Variants in WDSUB1 observed in about 807,000 individuals in gnomAD.
The protein encoded by WDSUB1 is WD repeat, sterile alpha motif and U-box domain containing 1, also known as WD repeat, SAM and U-box domain-containing protein 1.
A neutral mutation model predicts 53.9 loss-of-function variants in WDSUB1; 49 were observed. The ratio of observed to expected loss-of-function variants is 0.91; its 90% CI spans 0.72 to 1.15. The LOEUF is 1.15. Ranked by LOEUF, WDSUB1 falls within the 50% of genes most tolerant of loss-of-function variation. The pLI, the probability that WDSUB1 is intolerant of heterozygous loss-of-function variation, is 0.00. For synonymous variants in WDSUB1, 194 were observed against 200.6 expected (o/e 0.97, Z 0.28); for missense variants, 514 against 562.0 (o/e 0.91, Z 0.86).
At chr2:159,252,376 C>G (rs548035534) in intron 9 of WDSUB1, among the ~76,000 whole-genome samples, 1 of 152,178 alleles carries the variant, frequency 6.6e-6, no homozygotes, top group East Asian at 1.9e-4. Context: ...TTCATGAACC[C>G]TACAATATAC....
intron 4 of WDSUB1, among the ~76,000 whole-genome samples, chr2:159,272,133 G>A (rs540617227): frequency 6.6e-6 from 1 of 152,204 alleles, no homozygotes; most frequent in Non-Finnish European, 1.5e-5. Flanking sequence ...AGCCCGCTGC[G>A]TACATACAGG....
chr2:159,259,036 A>AATTTTTTTTTTTTTT (rs1436442238), intron 6 of WDSUB1, among the ~76,000 whole-genome samples: 2 of 150,714 alleles, frequency 1.3e-5, no homozygotes, highest in East Asian at 4.0e-4. Context: ...CAACTACTTT[A>AATTTTTTTTTTTTTT]TTTTTGAGAC....
chr2:159,241,719 C>CT lies in WDSUB1; in HGVS notation c.1274-5530dup, dbSNP rs527377114. ...CATGACTGGGGATGTTTTCTTTTTT[C>CT]TTTTTTTTTTTGAGATGGAGTCTCA... On this transcript the variant is annotated intron_variant, in intron 10 of 10. Coordinates refer to ENST00000359774, the MANE Select transcript of WDSUB1 (RefSeq NM_001128212.3). Among the ~76,000 whole-genome samples, 210 of 130,350 alleles carry CT rather than the reference C, an allele frequency of 1.6e-3. 8 individuals are homozygous for CT. Among genetic ancestry groups the CT allele is most frequent in the South Asian group, 0.013 (55 of 4,262 alleles). The allele number at this position is 130,350 out of a possible 152,430, so 85.5% of individuals were successfully genotyped here.
chr2:159,253,493 T>C (rs1451404527), intron 9 of WDSUB1, among the ~76,000 whole-genome samples: 1 of 152,222 alleles, frequency 6.6e-6, no homozygotes, highest in Non-Finnish European at 1.5e-5. Flanking sequence ...AAAGATTTGA[T>C]AAACTGCTCA....
chr2:159,249,495 A>ACTTT (rs1420343458), intron 9 of WDSUB1, among the ~76,000 whole-genome samples: 1 of 152,122 alleles, frequency 6.6e-6, no homozygotes, highest in Non-Finnish European at 1.5e-5. Context: ...AGCCAAACCA[A>ACTTT]CTTTCTTTCT....
Position 159,266,512 on chromosome 2 carries a change from G to A in WDSUB1, c.770+5190C>T, listed in dbSNP as rs6704582. 4.0e-3 allele frequency among the ~76,000 whole-genome samples: 609 copies of A among 152,006 alleles called. 5 individuals are homozygous for A. The highest frequency in any genetic ancestry group is 0.014 in the African/African-American group (585 of 41,464). On this transcript the variant is annotated intron_variant, in intron 5 of 10. Transcript: ENST00000359774. Reference sequence around the variant, plus strand: ...CAAGGAATCTTACTTTTAAGAATGTGAAGGAATCTTAAGACCAAAAAGTAT... The same window carrying A: ...CAAGGAATCTTACTTTTAAGAATGTAAAGGAATCTTAAGACCAAAAAGTAT...
At chr2:159,267,343 C>T (rs934480215) in intron 5 of WDSUB1, among the ~76,000 whole-genome samples, 6 of 150,738 alleles carry the variant, frequency 4.0e-5, no homozygotes, top group African/African-American at 1.5e-4. Context: ...CTTTGTTGCC[C>T]AGGCTGGAGT....
chr2:159,280,872 A>C (rs1287610873), intron 2 of WDSUB1, among the ~76,000 whole-genome samples: 2 of 152,102 alleles, frequency 1.3e-5, no homozygotes, highest in Non-Finnish European at 2.9e-5. Flanking sequence ...AACAATTAAC[A>C]CACTGTCCCA....
In WDSUB1 at chr2:159,263,356, T is replaced by C. The variant is rs557648207; in HGVS notation, c.771-3513A>G. ...AAGGATTTGCAGTCTCTTACAAAGA[T>C]AGAGCAAAAACAAAAGTTATGTGAA... On this transcript the variant is annotated intron_variant, in intron 5 of 10. Coordinates refer to ENST00000359774, the MANE Select transcript of WDSUB1 (RefSeq NM_001128212.3). Among the ~76,000 whole-genome samples, 3 of 152,288 alleles carry C rather than the reference T, an allele frequency of 2.0e-5. No individual in the cohort carries two copies. The South Asian group carries it at 6.2e-4, about 32-fold the overall frequency.
intron 5 of WDSUB1, among the ~76,000 whole-genome samples, chr2:159,268,018 A>G (rs534755386): frequency 3.3e-5 from 5 of 152,360 alleles, no homozygotes; most frequent in East Asian, 3.9e-4. Flanking sequence ...ATTGGGAAAG[A>G]CACATTTCCA....
Position 159,236,099 on chromosome 2 carries a change from C to T in WDSUB1, c.1365G>A (p.Ala455=), listed in dbSNP as rs555469915. 2.3e-5 allele frequency: 37 copies of T among 1,613,592 alleles called. No homozygotes were observed. The highest frequency in any genetic ancestry group is 1.1e-4 in the East Asian group (5 of 44,864). The change falls in exon 11 of 11, where the codon GCG becomes GCA. Residue 455 remains alanine, a synonymous_variant. Coordinates refer to ENST00000359774, the MANE Select transcript of WDSUB1 (RefSeq NM_001128212.3). ...SPMTNLVLPS[A]VLTPNRTLKM... is the part of the protein sequence containing the mutation. The stretch of plus-strand genomic sequence containing the variant: ...TCAGAGTCCTATTTGGTGTAAGTAC[C>T]GCTGAAGGAAGAACAAGATTTGTCA...
chr2:159,282,009 G>A (rs1164467360), intron 2 of WDSUB1, among the ~76,000 whole-genome samples: 2 of 151,604 alleles, frequency 1.3e-5, no homozygotes, highest in African/African-American at 4.8e-5. Flanking sequence ...AACCACAAGT[G>A]ACAAAAATAA....
At chr2:159,264,385 C>G (rs1317101483) in intron 5 of WDSUB1, among the ~76,000 whole-genome samples, 1 of 152,208 alleles carries the variant, frequency 6.6e-6, no homozygotes, top group Non-Finnish European at 1.5e-5. Context: ...TAACGTTAAG[C>G]CTTCTTCAGC....
intron 9 of WDSUB1, among the ~76,000 whole-genome samples, chr2:159,252,875 G>GA (rs1575448704): frequency 6.6e-6 from 1 of 152,060 alleles, no homozygotes; most frequent in Non-Finnish European, 1.5e-5. Flanking sequence ...TGAACCCTTT[G>GA]AAAAAAATCT....
chr2:159,259,961 C>T, intron 5 of WDSUB1, 118 bp from the exon 6 acceptor site: 2 of 1,085,218 alleles, frequency 1.8e-6, no homozygotes, highest in South Asian at 3.5e-5. Flanking sequence ...TATTAACATA[C>T]ATTTAGAATG....
At position 159,283,109 on chromosome 2, in the gene WDSUB1, A is replaced by C. The variant is rs1290526882; in HGVS notation, c.-24-16T>G. ...GAAAAACAGCCTGAAATTTTTAAGCAGATAAAGATTATTTATTCTAGGAAT... is the reference window on the plus strand; with the variant it reads ...GAAAAACAGCCTGAAATTTTTAAGCCGATAAAGATTATTTATTCTAGGAAT... On this transcript the variant is annotated splice_polypyrimidine_tract_variant and intron_variant, in intron 1 of 10. Transcript: ENST00000359774. 1 of 1,561,058 alleles carries C rather than the reference A, an allele frequency of 6.4e-7. No individual in the cohort carries two copies. The highest frequency in any genetic ancestry group is 2.3e-5 in the East Asian group (1 of 44,344).
rs200260843 is a variant in WDSUB1 at position 159,235,999 on chromosome 2, C to A, written c.*34G>T. 8.6e-5 allele frequency: 134 copies of A among 1,550,480 alleles called. 2 individuals carry two copies. In the East Asian group the frequency reaches 3.0e-3, roughly 34 times the overall value. On this transcript the variant is annotated 3_prime_UTR_variant, in exon 11 of 11. Coordinates refer to ENST00000359774, the MANE Select transcript of WDSUB1 (RefSeq NM_001128212.3). The stretch of plus-strand genomic sequence containing the variant: ...TACCTATAAATCATTCAAATGAGAT[C>A]ACTGAAAATATAAATAATACAATAT...
intron 2 of WDSUB1, 99 bp downstream of exon 2, chr2:159,282,573 C>G (rs548442237): frequency 1.4e-6 from 2 of 1,384,992 alleles, no homozygotes; most frequent in Admixed American, 4.5e-5. Context: ...TTTTCTACAT[C>G]ACTTAGACTG....
chr2:159,262,594 C>A (rs546469378), intron 5 of WDSUB1, among the ~76,000 whole-genome samples: 6 of 152,250 alleles, frequency 3.9e-5, no homozygotes, highest in African/African-American at 1.4e-4. Context: ...TTTAAACTCA[C>A]TTCCTATTGC....
Sources: gnomAD v4.1 joint callset for allele counts (sites outside exome capture counted in the v4.1 genomes callset) on GRCh38, gnomAD v4.1.1 for gene constraint, MANE v1.5 for transcripts, NCBI Gene and HGNC (gene_info 2026-07-23, HGNC 2026-07-21) for gene names.